Variants in ATXN1 observed in about 807,000 individuals in gnomAD.
The protein encoded by ATXN1 is ataxin-1.
In ATXN1, 8 loss-of-function variants were observed where a neutral mutation model predicts 56.4. That is an observed-to-expected ratio of 0.14 (90% CI 0.08 to 0.26). ATXN1 has a LOEUF of 0.26. Among genes scored for constraint, ATXN1 ranks in the 10% least tolerant of loss-of-function variants. The pLI, the probability that ATXN1 is intolerant of heterozygous loss-of-function variation, is 1.00. For missense variants in ATXN1, 987 were observed against 1,106.5 expected (o/e 0.89, Z 1.53); for synonymous variants, 514 against 494.6 (o/e 1.04, Z -0.52).
chr6:16,717,482 C>T (rs1340905984), intron 2 of ATXN1, among the ~76,000 whole-genome samples: 1 of 152,242 alleles, frequency 6.6e-6, no homozygotes, highest in African/African-American at 2.4e-5. Context: ...CCTTAGAGAG[C>T]ATGTGCACTG....
intron 6 of ATXN1, among the ~76,000 whole-genome samples, chr6:16,453,107 T>G (rs530914442): frequency 2.0e-5 from 3 of 152,320 alleles, no homozygotes; most frequent in African/African-American, 7.2e-5. Flanking sequence ...ATAAAAAAAC[T>G]GGGTTCAAGG....
At chr6:16,550,654 G>C (rs1426917063) in intron 4 of ATXN1, among the ~76,000 whole-genome samples, 2 of 152,102 alleles carry the variant, frequency 1.3e-5, no homozygotes, top group African/African-American at 4.8e-5. Context: ...AAAAAGGTTA[G>C]GTAAGTCAGC....
chr6:16,458,322 T>A (rs1232076684), intron 6 of ATXN1, among the ~76,000 whole-genome samples: 1 of 152,192 alleles, frequency 6.6e-6, no homozygotes, highest in Non-Finnish European at 1.5e-5. Flanking sequence ...AATTATTCAA[T>A]GATGTCCACC....
intron 3 of ATXN1, among the ~76,000 whole-genome samples, chr6:16,633,810 T>C (rs1340093833): frequency 6.6e-6 from 1 of 152,210 alleles, no homozygotes; most frequent in African/African-American, 2.4e-5. Context: ...GTGAAGCTCA[T>C]GTCATTCGGT....
intron 6 of ATXN1, among the ~76,000 whole-genome samples, chr6:16,335,523 T>A (rs868627279): frequency 1.3e-5 from 2 of 151,932 alleles, no homozygotes; most frequent in Non-Finnish European, 2.9e-5. Context: ...CTAGAAGGAG[T>A]CCACACGAGG....
intron 6 of ATXN1, among the ~76,000 whole-genome samples, chr6:16,482,709 C>T (rs1007233292): frequency 6.6e-6 from 1 of 152,172 alleles, no homozygotes; most frequent in Non-Finnish European, 1.5e-5. Context: ...TAAGGACAGT[C>T]TCAAATAAAT....
At chr6:16,722,779 C>A (rs188442313) in intron 2 of ATXN1, among the ~76,000 whole-genome samples, 30 of 152,296 alleles carry the variant, frequency 2.0e-4, no homozygotes, top group African/African-American at 6.7e-4. Context: ...TACTCAGGTT[C>A]TTTAGTGAGT....
At chr6:16,325,702 G>A (rs961347786) in intron 7 of ATXN1, among the ~76,000 whole-genome samples, 2 of 151,846 alleles carry the variant, frequency 1.3e-5, no homozygotes, top group African/African-American at 2.4e-5. Context: ...AAATTATCTC[G>A]TCAAAGAGAG....
chr6:16,393,175 A>G (rs1758389312), intron 6 of ATXN1, among the ~76,000 whole-genome samples: 1 of 152,250 alleles, frequency 6.6e-6, no homozygotes, highest in African/African-American at 2.4e-5. Context: ...TCACCCACAC[A>G]AAATAGTGTA....
At chr6:16,338,064 T>C (rs556867060) in intron 6 of ATXN1, among the ~76,000 whole-genome samples, 4 of 152,356 alleles carry the variant, frequency 2.6e-5, no homozygotes, top group Admixed American at 1.3e-4. Context: ...ACAATGATGA[T>C]AATAGATCAA....
At chr6:16,488,852 T>C (rs1238122043) in intron 5 of ATXN1, among the ~76,000 whole-genome samples, 3 of 152,190 alleles carry the variant, frequency 2.0e-5, no homozygotes, top group African/African-American at 7.2e-5. Context: ...GTATAAACCT[T>C]CACTTTGACC....
chr6:16,748,488 C>T (rs1046579145), intron 2 of ATXN1, among the ~76,000 whole-genome samples: 1 of 152,152 alleles, frequency 6.6e-6, no homozygotes. Context: ...GCTGGGAAAC[C>T]TTGGGGAAAT....
intron 7 of ATXN1, among the ~76,000 whole-genome samples, chr6:16,313,815 G>A (rs546693084): frequency 1.2e-4 from 19 of 152,310 alleles, no homozygotes; most frequent in African/African-American, 3.4e-4. Flanking sequence ...GCCCGCCACA[G>A]CCTCCCAAAA....
intron 2 of ATXN1, among the ~76,000 whole-genome samples, chr6:16,697,999 A>G (rs1017592269): frequency 1.3e-5 from 2 of 152,206 alleles, no homozygotes; most frequent in African/African-American, 4.8e-5. Flanking sequence ...CTCTGCAGAC[A>G]TATCTCACCC....
chr6:16,689,047 C>CTG (rs149330723), intron 2 of ATXN1, among the ~76,000 whole-genome samples: 16,661 of 151,486 alleles, frequency 0.11, 980 homozygotes, highest in Middle Eastern at 0.16. Flanking sequence ...TATGTGTACT[C>CTG]TGTGTGTGTG....
intron 6 of ATXN1, among the ~76,000 whole-genome samples, chr6:16,455,914 G>A (rs753054489): frequency 5.9e-5 from 9 of 152,010 alleles, no homozygotes; most frequent in African/African-American, 1.9e-4. Context: ...ACCAATCAAC[G>A]CTCTGTAAAA....
At chr6:16,392,683 A>G (rs996163642) in intron 6 of ATXN1, among the ~76,000 whole-genome samples, 3 of 152,060 alleles carry the variant, frequency 2.0e-5, no homozygotes, top group African/African-American at 7.2e-5. Context: ...TTTAGTAGAG[A>G]CAGGGTTTCA....
At position 16,673,032 on chromosome 6, in the gene ATXN1, AAAAAG is replaced by A. The variant is rs1319877395; in HGVS notation, c.-614-15136_-614-15132del. Among the ~76,000 whole-genome samples the A allele has an allele frequency of 2.6e-5, 4 of 151,518 alleles. No individual in the cohort carries two copies. The East Asian group carries it at 5.8e-4, about 22-fold the overall frequency. On this transcript the variant is annotated intron_variant, in intron 2 of 7. Transcript: ENST00000436367. ...CGTTCCCCCCCGCCAAAAAAAAAAA[AAAAAG>A]AAAAGAAAAGAAAGAAAACGGAAAA...
At chr6:16,456,185 T>C (rs990591133) in intron 6 of ATXN1, among the ~76,000 whole-genome samples, 1 of 152,140 alleles carries the variant, frequency 6.6e-6, no homozygotes. Flanking sequence ...ACCGTGAAGG[T>C]CCGTGCCTCC....
Sources: allele counts gnomAD v4.1 joint callset (sites outside exome capture counted in the v4.1 genomes callset), GRCh38; gene constraint gnomAD v4.1.1; transcripts MANE v1.5; gene names NCBI Gene and HGNC (gene_info 2026-07-23, HGNC 2026-07-21).